KAT2B: variants seen among roughly 807,000 people sequenced by gnomAD.
KAT2B encodes lysine acetyltransferase 2B, also known as histone acetyltransferase KAT2B.
In KAT2B, 36 loss-of-function variants were observed where a neutral mutation model predicts 105.9. That is an observed-to-expected ratio of 0.34 (90% confidence interval 0.26 to 0.45). KAT2B has a LOEUF of 0.45. KAT2B is among the 20% of genes least tolerant of loss of function. The pLI is 1.00. For synonymous variants in KAT2B, 397 were observed against 377.9 expected (o/e 1.05, Z -0.59); for missense variants, 820 against 1,021.6 (o/e 0.80, Z 2.69).
At chr3:20,147,446 A>G (rs899937922) in intron 14 of KAT2B, among the ~76,000 whole-genome samples, 4 of 152,052 alleles carry the variant, frequency 2.6e-5, no homozygotes, top group Non-Finnish European at 4.4e-5. Flanking sequence ...ACTGAGAGGC[A>G]ACTTACTCTT....
intron 15 of KAT2B, 79 bp downstream of exon 15, chr3:20,148,078 A>G: frequency 3.4e-6 from 5 of 1,459,714 alleles, no homozygotes; most frequent in South Asian, 1.2e-5. Context: ...AAAAACGGCA[A>G]ACTAATTGTA....
At chr3:20,150,686 G>A (rs1699855686) in intron 17 of KAT2B, among the ~76,000 whole-genome samples, 3 of 152,278 alleles carry the variant, frequency 2.0e-5, no homozygotes, top group Non-Finnish European at 4.4e-5. Context: ...GCTATCTATA[G>A]CTTTAGAATA....
chr3:20,099,889 G>C lies in KAT2B; in HGVS notation c.604G>C (p.Gly202Arg), dbSNP rs1465768934. The C allele has an allele frequency of 1.2e-6, 2 of 1,606,532 alleles. No individual in the cohort carries two copies. The highest frequency in any genetic ancestry group is 2.2e-5 in the South Asian group (2 of 90,814). ...KLLRKSILQR[G>R]KPVVEGSLEK... Reference sequence around the variant, plus strand: ...CTTGAGAAAGTCTATTTTACAAAGAGGAAAACCTGTGGTTGAAGGCTCTTT... The same window carrying C: ...CTTGAGAAAGTCTATTTTACAAAGACGAAAACCTGTGGTTGAAGGCTCTTT... The change falls in exon 4 of 18, where the codon GGA becomes CGA. Residue 202 changes from glycine to arginine, a missense_variant. Around this residue, in one of 6 missense-constraint regions of KAT2B, gnomAD observed 173 missense variants for 249.5 expected, o/e 0.69. Transcript: ENST00000263754.
Position 20,152,466 on chromosome 3 carries a change from A to G in KAT2B, c.2440A>G (p.Asn814Asp). 1 of 1,613,522 alleles carries G rather than the reference A, an allele frequency of 6.2e-7. No homozygotes were observed. The highest frequency in any genetic ancestry group is 8.5e-7 in the Non-Finnish European group (1 of 1,179,570). The change falls in exon 18 of 18, where the codon AAT becomes GAT. Residue 814 changes from asparagine to aspartate, a missense_variant. Coordinates refer to ENST00000263754, the MANE Select transcript of KAT2B (RefSeq NM_003884.5). ...TGAGAGTGAATACTACAAATGTGCC[A>G]ATATCCTGGAGAAATTCTTCTTCAG... ...PPESEYYKCA[N>D]ILEKFFFSKI... is the part of the protein sequence containing the mutation.
intron 14 of KAT2B, among the ~76,000 whole-genome samples, chr3:20,147,279 A>C (rs1053002126): frequency 5.3e-5 from 8 of 152,074 alleles, no homozygotes; most frequent in South Asian, 4.2e-4. Flanking sequence ...TTCTACTTCC[A>C]TGTATTATCT....
At chr3:20,055,251 A>G (rs1401287437) in intron 1 of KAT2B, among the ~76,000 whole-genome samples, 4 of 152,178 alleles carry the variant, frequency 2.6e-5, no homozygotes, top group African/African-American at 9.6e-5. Context: ...ATGTGGAGAC[A>G]GTGATATATG....
chr3:20,048,168 A>G (rs1328031692), intron 1 of KAT2B, among the ~76,000 whole-genome samples: 3 of 152,222 alleles, frequency 2.0e-5, no homozygotes. Context: ...CCAAGCATAC[A>G]AAGGAAAAAA....
At chr3:20,146,239 AT>A in intron 13 of KAT2B, 76 bp from the exon 14 acceptor site, 1 of 817,466 alleles carries the variant, frequency 1.2e-6, no homozygotes, top group Non-Finnish European at 2.0e-6. Flanking sequence ...TTAGGAAAAC[AT>A]TTCATTAGGT....
chr3:20,059,412 CAAAAAAAAAAA>C (rs34763319), intron 1 of KAT2B, among the ~76,000 whole-genome samples: 2 of 38,336 alleles, frequency 5.2e-5, no homozygotes, highest in Admixed American at 4.0e-4. Context: ...GACTCTGTCT[CAAAAAAAAAAA>C]AAAAAAAAAA....
chr3:20,060,014 C>T (rs79727649), intron 1 of KAT2B, among the ~76,000 whole-genome samples: 2,082 of 152,220 alleles, frequency 0.014, 41 homozygotes, highest in African/African-American at 0.047. Context: ...CTTCTTATGC[C>T]GAGTGTAATG....
At chr3:20,141,836 A>G (rs1225359590) in intron 13 of KAT2B, among the ~76,000 whole-genome samples, 1 of 150,170 alleles carries the variant, frequency 6.7e-6, no homozygotes. Context: ...TTTTTGTTCA[A>G]AGATGTCAGC....
At chr3:20,110,378 A>T (rs1397235613) in intron 5 of KAT2B, among the ~76,000 whole-genome samples, 1 of 152,094 alleles carries the variant, frequency 6.6e-6, no homozygotes, top group Non-Finnish European at 1.5e-5. Flanking sequence ...AGATAAAAAA[A>T]AAATAGGGTT....
chr3:20,142,958 G>T (rs1363212253), intron 13 of KAT2B, among the ~76,000 whole-genome samples: 1 of 145,644 alleles, frequency 6.9e-6, no homozygotes, highest in East Asian at 1.9e-4. Context: ...GGTGGGTGGG[G>T]GGATAAGTTC....
intron 12 of KAT2B, among the ~76,000 whole-genome samples, chr3:20,139,428 T>A (rs1421004716): frequency 6.6e-6 from 1 of 152,126 alleles, no homozygotes; most frequent in African/African-American, 2.4e-5. Context: ...AAGCATAAGA[T>A]CTCAGCTATG....
chr3:20,082,963 C>G (rs1424265442), intron 2 of KAT2B, among the ~76,000 whole-genome samples: 1 of 152,156 alleles, frequency 6.6e-6, no homozygotes, highest in Non-Finnish European at 1.5e-5. Context: ...AAACAACTCC[C>G]TGGGCCTTCC....
chr3:20,040,853 G>A (rs1464594402), intron 1 of KAT2B, 73 bp downstream of exon 1: 5 of 1,428,374 alleles, frequency 3.5e-6, no homozygotes, highest in East Asian at 2.8e-5. Flanking sequence ...TCCCCCTCCC[G>A]CTTCCACCTC....
At position 20,089,855 on chromosome 3, in the gene KAT2B, A is replaced by G. The variant is rs866219642; in HGVS notation, c.431-5408A>G. Among the ~76,000 whole-genome samples, 9 of 152,228 alleles carry G rather than the reference A, an allele frequency of 5.9e-5. No homozygotes were observed. In the Middle Eastern group the frequency reaches 0.01, roughly 173 times the overall value. On this transcript the variant is annotated intron_variant, in intron 2 of 17. Coordinates refer to ENST00000263754, the MANE Select transcript of KAT2B (RefSeq NM_003884.5). ...TGTTTTGATAGTTTGTTGTTAGTAT[A>G]CAGAAACATGGCTGGGCATGGTTAC...
chr3:20,040,827 G>T lies in KAT2B; in HGVS notation c.303+47G>T, dbSNP rs753509787. On this transcript the variant is annotated intron_variant, in intron 1 of 17. Transcript: ENST00000263754. ...ACCGCGGATGGGTGCTAGGGGCCCA[G>T]CCCGCGGGACCCCCCTCCCCCTCCC... is the stretch of plus-strand genomic sequence containing the variant. 2.6e-6 allele frequency: 4 copies of T among 1,527,678 alleles called. No homozygotes were observed. The South Asian group carries it at 3.6e-5, about 14-fold the overall frequency. The allele number at this position is 1,527,678 out of a possible 1,614,324, so 94.6% of individuals were successfully genotyped here. A position where few individuals can be genotyped will look rare whatever the true frequency, so the allele number is the denominator to read the frequency against.
Position 20,104,171 on chromosome 3 carries a change from T to A in KAT2B, c.851+2703T>A, listed in dbSNP as rs1346796631. On this transcript the variant is annotated intron_variant, in intron 5 of 17. Transcript: ENST00000263754. ...AGAAAAACAGCAAAAGAGTCCTTTA[T>A]AGCCCAGCCTCCTGAGCCAACAGCT... Among the ~76,000 whole-genome samples, 4 of 152,190 alleles carry A rather than the reference T, an allele frequency of 2.6e-5. No individual in the cohort carries two copies. In the East Asian group the frequency reaches 7.7e-4, roughly 29 times the overall value.
Sources: gnomAD v4.1 joint callset for allele counts (sites outside exome capture counted in the v4.1 genomes callset) on GRCh38, gnomAD v4.1.1 for gene constraint, gnomAD v4.1.1 regional missense constraint, MANE v1.5 for transcripts, NCBI Gene and HGNC (gene_info 2026-07-23, HGNC 2026-07-21) for gene names.